The following CHD1L variants were observed in gnomAD, a reference collection of about 807,000 sequenced individuals.
CHD1L encodes the protein ATP-dependent chromatin remodeler CHD1L.
Under a neutral mutation model 115.9 loss-of-function variants are expected in CHD1L, and 118 were observed. The observed-to-expected ratio is 1.02, with a 90% confidence interval of 0.88 to 1.19. The LOEUF (loss-of-function observed/expected upper bound fraction) is 1.19, where lower values mean the gene tolerates loss of function less well. CHD1L is among the 50% of genes most tolerant of loss of function. CHD1L has a pLI of 0.00. For missense variants in CHD1L, 1,179 were observed against 1,065.3 expected (o/e 1.11, Z -1.49); for synonymous variants, 411 against 387.1 (o/e 1.06, Z -0.72).
At chr1:147,278,006 C>T (rs759837861) in intron 14 of CHD1L, among the ~76,000 whole-genome samples, 3 of 152,034 alleles carry the variant, frequency 2.0e-5, no homozygotes, top group East Asian at 1.9e-4. Context: ...GGGCCACAAA[C>T]GAGTGGGAAC....
chr1:147,259,820 T>G lies in CHD1L; in HGVS notation c.495-17T>G, dbSNP rs1553942662. On this transcript the variant is annotated splice_polypyrimidine_tract_variant and intron_variant, in intron 5 of 22. Transcript: ENST00000369258. ...TTTAAATTACACAAAACTGAAAGCT[T>G]GGGTTTTCTCTCACAGATTCCCTTG... The G allele has an allele frequency of 3.7e-6, 6 of 1,605,650 alleles. No individual in the cohort carries two copies. The highest frequency in any genetic ancestry group is 5.1e-6 in the Non-Finnish European group (6 of 1,175,688).
chr1:147,289,628 A>G (rs1025451711), intron 19 of CHD1L, among the ~76,000 whole-genome samples: 1 of 152,222 alleles, frequency 6.6e-6, no homozygotes, highest in African/African-American at 2.4e-5. Flanking sequence ...TCCAATTCCC[A>G]GGGAAGGCTT....
intron 1 of CHD1L, among the ~76,000 whole-genome samples, chr1:147,248,837 A>T (rs1287426797): frequency 6.6e-6 from 1 of 152,196 alleles, no homozygotes; most frequent in Admixed American, 6.5e-5. Flanking sequence ...CCCTTTATAT[A>T]AACATTACTT....
Position 147,286,489 on chromosome 1 carries a change from T to A in CHD1L, c.2210T>A (p.Val737Glu). 1 of 1,613,688 alleles carries A rather than the reference T, an allele frequency of 6.2e-7. No homozygotes were observed. Among genetic ancestry groups the A allele is most frequent in the Non-Finnish European group, 8.5e-7 (1 of 1,179,972 alleles). ...PQAGAEDALI[V>E]HCVDDSGHWG... is the part of the protein sequence containing the mutation. ...GCTGGGGCCGAGGATGCTCTCATTG[T>A]GCACTGCGTAGGTACGAGAAGTGGT... Residue 737 changes from valine (V) to glutamate (E), a missense_variant, in exon 18 of 23, where the codon GTG (valine) becomes GAG (glutamate). Transcript: ENST00000369258.
chr1:147,197,394 G>A, the CHD1L span, among the ~76,000 whole-genome samples: 5,757 of 152,122 alleles, frequency 0.038, 125 homozygotes, highest in African/African-American at 0.05. Flanking sequence ...ATCATTAAGC[G>A]TCTGTTTACT....
At chr1:147,275,286 C>G (rs1677914527) in intron 12 of CHD1L, 68 bp from the exon 13 acceptor site, 1 of 1,173,838 alleles carries the variant, frequency 8.5e-7, no homozygotes, top group Admixed American at 1.7e-5. Flanking sequence ...CCCACTCTAG[C>G]CTTGTGCTTA....
At chr1:147,242,154 G>C (rs920383791), upstream of CHD1L, among the ~76,000 whole-genome samples, 2 of 152,092 alleles carry the variant, frequency 1.3e-5, no homozygotes, top group East Asian at 3.9e-4. Context: ...CCACAATGAC[G>C]TCTTTGGTGA....
chr1:147,194,118 C>T, the CHD1L span, among the ~76,000 whole-genome samples: 18 of 152,212 alleles, frequency 1.2e-4, no homozygotes, highest in Non-Finnish European at 2.1e-4. Flanking sequence ...GTTAAAGTCT[C>T]CCATTATTAT....
At position 147,265,934 on chromosome 1, in the gene CHD1L, A is replaced by G; in HGVS notation, c.742A>G (p.Ser248Gly). The change falls in exon 8 of 23, where the codon AGT (serine) becomes GGT (glycine). Residue 248 changes from serine (S) to glycine (G), a missense_variant and splice_region_variant. By Grantham distance (56) the Ser-to-Gly change is moderately conservative. Coordinates refer to ENST00000369258, the MANE Select transcript of CHD1L (RefSeq NM_004284.6). ...QDIEKESESA[S>G]ELHKLLQPFL... is the part of the protein sequence containing the mutation. Reference sequence around the variant, plus strand: ...TTGTATTTTTTTTTCTTATGTAGCAAGTGAACTGCACAAACTCTTGCAGCC... The same window carrying G: ...TTGTATTTTTTTTTCTTATGTAGCAGGTGAACTGCACAAACTCTTGCAGCC... The G allele has an allele frequency of 6.2e-7, 1 of 1,606,426 alleles. No homozygotes were observed. The highest frequency in any genetic ancestry group is 8.5e-7 in the Non-Finnish European group (1 of 1,177,488).
intron 8 of CHD1L, 53 bp downstream of exon 8, chr1:147,266,140 G>T (rs1673835027): frequency 6.7e-7 from 1 of 1,500,394 alleles, no homozygotes; most frequent in Non-Finnish European, 9.1e-7. Flanking sequence ...GTGATTTCAG[G>T]TAGTAAAATA....
At position 147,287,669 on chromosome 1, in the gene CHD1L, T is replaced by G. The variant is rs1358593430; in HGVS notation, c.2256T>G (p.Phe752Leu). 2 of 1,613,978 alleles carry G rather than the reference T, an allele frequency of 1.2e-6. No individual in the cohort carries two copies. Among genetic ancestry groups the G allele is most frequent in the Admixed American group, 1.7e-5 (1 of 59,984 alleles). ...DSGHWGRGGL[F>L]TALEKRSAEP... The stretch of plus-strand genomic sequence containing the variant: ...GCCACTGGGGCAGAGGTGGTTTATT[T>G]ACAGCTCTGGAAAAGCGATCCGCTG... The change falls in exon 19 of 23, where the codon TTT becomes TTG. Residue 752 changes from phenylalanine to leucine, a missense_variant. Physicochemically the swap from Phe to Leu is conservative, Grantham distance 22. Coordinates refer to ENST00000369258, the MANE Select transcript of CHD1L (RefSeq NM_004284.6).
intron 6 of CHD1L, among the ~76,000 whole-genome samples, chr1:147,262,471 G>A (rs887518403): frequency 6.6e-6 from 1 of 152,174 alleles, no homozygotes; most frequent in African/African-American, 2.4e-5. Flanking sequence ...GAATCAAAAT[G>A]TTAATTTGTG....
At position 147,280,042 on chromosome 1, in the gene CHD1L, A is replaced by G; in HGVS notation, c.1556A>G (p.Lys519Arg). The change falls in exon 15 of 23, where the codon AAA becomes AGA. Residue 519 changes from lysine to arginine, a missense_variant. Lys to Arg is a conservative substitution (Grantham distance 26). Transcript: ENST00000369258. Reference sequence around the variant, plus strand: ...CTATTCAAGTTGAGTGAGATACTCAAATTTGGTTTGGATAAACTGCTGGCC... The same window carrying G: ...CTATTCAAGTTGAGTGAGATACTCAGATTTGGTTTGGATAAACTGCTGGCC... ...DADLQLSEIL[K>R]FGLDKLLASE... The G allele has an allele frequency of 6.2e-7, 1 of 1,613,946 alleles. No individual in the cohort carries two copies.
At chr1:147,225,285 A>C in the CHD1L span, 13 of 877,042 alleles carry the variant, frequency 1.5e-5, no homozygotes, top group Non-Finnish European at 2.1e-5. Flanking sequence ...ACCGGATCTC[A>C]CCGCCTTTCC....
chr1:147,225,332 G>T, the CHD1L span: 1 of 397,184 alleles, frequency 2.5e-6, no homozygotes, highest in Non-Finnish European at 4.3e-6. Context: ...GCGATCTGGA[G>T]GAGACTCAAC....
the CHD1L span, among the ~76,000 whole-genome samples, chr1:147,197,574 C>T: frequency 1.4e-4 from 21 of 152,158 alleles, no homozygotes; most frequent in East Asian, 5.8e-4. Flanking sequence ...TGAGTTCTCA[C>T]GAGATCTGAT....
the CHD1L span, chr1:147,175,893 A>T: frequency 6.9e-6 from 1 of 145,066 alleles, no homozygotes; most frequent in Non-Finnish European, 1.5e-5. Flanking sequence ...CTTATGTGAC[A>T]TTCTGGAAAA....
At chr1:147,280,930 A>G (rs1272708233) in intron 15 of CHD1L, among the ~76,000 whole-genome samples, 2 of 152,124 alleles carry the variant, frequency 1.3e-5, no homozygotes, top group Non-Finnish European at 2.9e-5. Flanking sequence ...ATTCACCAGT[A>G]CTTTCTTTTA....
At chr1:147,225,281 T>A in the CHD1L span, 1 of 901,216 alleles carries the variant, frequency 1.1e-6, no homozygotes, top group South Asian at 1.9e-5. Context: ...CGGTACCGGA[T>A]CTCACCGCCT....
Sources: gnomAD v4.1 joint callset for allele counts (sites outside exome capture counted in the v4.1 genomes callset) on GRCh38, gnomAD v4.1.1 for gene constraint, MANE v1.5 for transcripts, NCBI Gene and HGNC (gene_info 2026-07-23, HGNC 2026-07-21) for gene names.